NBDY: variants seen among roughly 807,000 people sequenced by gnomAD.
NBDY encodes the protein P-body dissociating protein.
At chrX:56,790,253 T>G (rs1243596320) in intron 2 of NBDY, among the ~76,000 whole-genome samples, 2 of 112,622 alleles carry the variant, frequency 1.8e-5, no homozygotes, top group Non-Finnish European at 3.7e-5. Context: ...CTTCGAATAT[T>G]GCAAATGTTT....
chrX:56,737,595 T>G, intron 2 of NBDY: 1 of 534,585 alleles, frequency 1.9e-6, no homozygotes, highest in Non-Finnish European at 3.1e-6. Context: ...TGCTTTAATT[T>G]TTTTTAATCC....
intron 2 of NBDY, among the ~76,000 whole-genome samples, chrX:56,813,180 A>AGTAT (rs1474386786): frequency 9.0e-6 from 1 of 111,481 alleles, no homozygotes. Context: ...TAGAACTTAA[A>AGTAT]GTATATATAT....
chrX:56,737,313 A>C, intron 2 of NBDY: 1 of 917,911 alleles, frequency 1.1e-6, no homozygotes, highest in Non-Finnish European at 1.6e-6. Context: ...TCAAGGTAGA[A>C]ATTTTCCTCT....
chrX:56,748,850 C>T (rs111962690), intron 2 of NBDY, among the ~76,000 whole-genome samples: 2,886 of 97,764 alleles, frequency 0.03, 119 homozygotes, highest in African/African-American at 0.1. Context: ...AGCTGGCATA[C>T]GAGATGGGAT....
chrX:56,783,000 G>C (rs1178832616), intron 2 of NBDY, among the ~76,000 whole-genome samples: 2 of 112,409 alleles, frequency 1.8e-5, no homozygotes, highest in Non-Finnish European at 3.8e-5. Flanking sequence ...CACACACACA[G>C]AAGTAAGCTC....
chrX:56,814,605 G>T (rs1299817235), intron 2 of NBDY, among the ~76,000 whole-genome samples: 1 of 108,739 alleles, frequency 9.2e-6, no homozygotes, highest in African/African-American at 3.4e-5. Context: ...CGATTCTTCT[G>T]CCTCAGGCTC....
At chrX:56,738,063 A>G (rs774387741) in intron 2 of NBDY, among the ~76,000 whole-genome samples, 1 of 111,928 alleles carries the variant, frequency 8.9e-6, no homozygotes, top group East Asian at 2.8e-4. Flanking sequence ...CCATATTCCA[A>G]TGTTATCAGT....
At chrX:56,784,280 T>A (rs984680914) in intron 2 of NBDY, among the ~76,000 whole-genome samples, 1 of 111,915 alleles carries the variant, frequency 8.9e-6, no homozygotes, top group Non-Finnish European at 1.9e-5. Flanking sequence ...CCAACAGGCT[T>A]CCGCACATTG....
At chrX:56,738,963 G>A (rs1008715412) in intron 2 of NBDY, among the ~76,000 whole-genome samples, 2 of 109,327 alleles carry the variant, frequency 1.8e-5, no homozygotes, top group African/African-American at 3.3e-5. Flanking sequence ...GTTTCTCTGT[G>A]CAGCATTCCT....
chrX:56,734,334 G>A (rs2069475423), intron 2 of NBDY, among the ~76,000 whole-genome samples: 2 of 111,755 alleles, frequency 1.8e-5, no homozygotes, highest in African/African-American at 3.3e-5. Context: ...AGTGATACTA[G>A]GTAGTGCACT....
At chrX:56,748,434 G>A (rs2069566915) in intron 2 of NBDY, among the ~76,000 whole-genome samples, 1 of 110,861 alleles carries the variant, frequency 9.0e-6, no homozygotes, top group Non-Finnish European at 1.9e-5. Flanking sequence ...GAGATTGCAA[G>A]AGAAGTGTTG....
intron 2 of NBDY, among the ~76,000 whole-genome samples, chrX:56,761,237 C>T (rs1160141918): frequency 8.9e-6 from 1 of 112,531 alleles, no homozygotes; most frequent in East Asian, 2.8e-4. Flanking sequence ...AGCGTCTGCC[C>T]AGGCACCTCC....
intron 2 of NBDY, among the ~76,000 whole-genome samples, chrX:56,766,558 G>C (rs925078376): frequency 6.3e-5 from 7 of 111,932 alleles, no homozygotes; most frequent in Non-Finnish European, 1.9e-5. Context: ...AACACACATC[G>C]CCACAGGCAT....
chrX:56,767,794 C>A (rs2069675308), intron 2 of NBDY, among the ~76,000 whole-genome samples: 1 of 99,451 alleles, frequency 1.0e-5, no homozygotes, highest in Admixed American at 1.1e-4. Context: ...ATTTGTGGTG[C>A]CATACTGCCA....
chrX:56,749,654 CTTTT>C (rs80181550), intron 2 of NBDY, among the ~76,000 whole-genome samples: 4 of 81,898 alleles, frequency 4.9e-5, no homozygotes, highest in Non-Finnish European at 7.3e-5. Flanking sequence ...CATTTGCATC[CTTTT>C]TTTTTTTTTT....
At chrX:56,794,979 T>G (rs2069784975) in intron 2 of NBDY, among the ~76,000 whole-genome samples, 1 of 111,895 alleles carries the variant, frequency 8.9e-6, no homozygotes, top group East Asian at 2.8e-4. Context: ...CACTCATTCG[T>G]GCCCAGAAGT....
chrX:56,731,282 G>A (rs2069456555), intron 1 of NBDY, among the ~76,000 whole-genome samples: 1 of 109,725 alleles, frequency 9.1e-6, no homozygotes, highest in African/African-American at 3.3e-5. Flanking sequence ...AGAGCAGCCG[G>A]GCGCAGTGGC....
rs868142872 is a variant in NBDY at position 56,767,876 on chromosome X, A to C, written c.*166+35677A>C. ...ACTGGGGAAAGGCCAGGAGCCCAAA[A>C]GGGAGGGTGGTGTGGGACCCCAGAC... On this transcript the variant is annotated intron_variant, in intron 2 of 2. Coordinates refer to ENST00000374922, the MANE Select transcript of NBDY (RefSeq NM_001348129.2). Among the ~76,000 whole-genome samples, 676 of 69,378 alleles carry C rather than the reference A, an allele frequency of 9.7e-3. 8 individuals carry two copies. Among genetic ancestry groups the C allele is most frequent in the African/African-American group, 0.037 (647 of 17,344 alleles). The allele number at this position is 69,378 out of a possible 115,157, so 60.2% of individuals were successfully genotyped here.
At position 56,732,043 on chromosome X, in the gene NBDY, TA is replaced by T. The variant is rs1040598321; in HGVS notation, c.*30-19del. On this transcript the variant is annotated intron_variant, in intron 1 of 2. Transcript: ENST00000374922. ...AAAAACAGAAAAAATGATGCCACAA[TA>T]TTTTTTACTATTTTTCAGTCTTTGA... 2 of 293,411 alleles carry T rather than the reference TA, an allele frequency of 6.8e-6. No homozygotes were observed. Among genetic ancestry groups the T allele is most frequent in the African/African-American group, 5.5e-5 (2 of 36,284 alleles). The allele number at this position is 293,411 out of a possible 1,213,427, so 24.2% of individuals were successfully genotyped here.
Sources: gnomAD v4.1 joint callset for allele counts (sites outside exome capture counted in the v4.1 genomes callset) on GRCh38, gnomAD v4.1.1 for gene constraint, MANE v1.5 for transcripts, NCBI Gene and HGNC (gene_info 2026-07-23, HGNC 2026-07-21) for gene names.